The following TRPM3 variants were observed in gnomAD, a reference collection of about 807,000 sequenced individuals.
The protein encoded by TRPM3 is transient receptor potential cation channel subfamily M member 3.
In TRPM3, 77 loss-of-function variants were observed where a neutral mutation model predicts 181.2. That is an observed-to-expected ratio of 0.42 (90% CI 0.35 to 0.51). TRPM3 has a LOEUF of 0.51. Ranked by LOEUF, TRPM3 falls within the 20% of genes least tolerant of loss-of-function variation. The probability of loss-of-function intolerance (pLI) is 0.01; values close to 1 mark genes in which losing one functional copy is unlikely to be tolerated. For synonymous variants in TRPM3, 745 were observed against 796.4 expected (o/e 0.94, Z 1.09); for missense variants, 1,759 against 2,196.7 (o/e 0.80, Z 3.98).
chr9:71,008,043 TAAGA>T (rs1416193628), intron 1 of TRPM3, among the ~76,000 whole-genome samples: 6 of 151,480 alleles, frequency 4.0e-5, no homozygotes, highest in Non-Finnish European at 8.8e-5. Context: ...ACTAAGAAAA[TAAGA>T]AAGAAGACAC....
chr9:70,831,523 C>G (rs973253528), intron 5 of TRPM3, among the ~76,000 whole-genome samples: 1 of 151,758 alleles, frequency 6.6e-6, no homozygotes, highest in Non-Finnish European at 1.5e-5. Flanking sequence ...CCTACTGCCC[C>G]GCAGCATCCA....
chr9:70,828,864 G>A (rs1049680646), intron 5 of TRPM3, among the ~76,000 whole-genome samples: 1 of 152,098 alleles, frequency 6.6e-6, no homozygotes, highest in African/African-American at 2.4e-5. Flanking sequence ...AGTTTTCTGA[G>A]AGTCTACCAC....
chr9:71,221,033 G>C (rs1299476335), intron 1 of TRPM3, among the ~76,000 whole-genome samples: 1 of 152,206 alleles, frequency 6.6e-6, no homozygotes, highest in East Asian at 1.9e-4. Context: ...ATCACTGGTA[G>C]CTGTGTGAAT....
intron 1 of TRPM3, among the ~76,000 whole-genome samples, chr9:71,258,256 G>A (rs1293911552): frequency 6.6e-6 from 1 of 152,078 alleles, no homozygotes; most frequent in East Asian, 1.9e-4. Flanking sequence ...TTTTCAGATG[G>A]GGAAACTGAG....
intron 1 of TRPM3, among the ~76,000 whole-genome samples, chr9:71,169,100 T>C (rs74727805): frequency 6.6e-6 from 1 of 152,214 alleles, no homozygotes; most frequent in Admixed American, 6.5e-5. Context: ...AGTGGTTACC[T>C]GTATAAATAA....
chr9:71,268,465 T>C (rs2083543280), intron 1 of TRPM3, among the ~76,000 whole-genome samples: 1 of 152,114 alleles, frequency 6.6e-6, no homozygotes. Flanking sequence ...TAAACAACTA[T>C]AGTACTTAGA....
At chr9:70,787,875 T>G (rs1387885250) in intron 6 of TRPM3, among the ~76,000 whole-genome samples, 1 of 149,868 alleles carries the variant, frequency 6.7e-6, no homozygotes, top group Non-Finnish European at 1.5e-5. Context: ...ACATTATCTC[T>G]AACAACAATA....
chr9:71,313,364 C>A (rs2088179800), intron 1 of TRPM3, among the ~76,000 whole-genome samples: 3 of 152,024 alleles, frequency 2.0e-5, no homozygotes, highest in African/African-American at 7.2e-5. Flanking sequence ...GACTTCATAC[C>A]TGATTCCTAA....
At position 70,786,183 on chromosome 9, in the gene TRPM3, G is replaced by C. The variant is rs375416342; in HGVS notation, c.974-1904C>G. Among the ~76,000 whole-genome samples the C allele has an allele frequency of 2.2e-4, 34 of 151,948 alleles. 1 individual carries two copies. Among genetic ancestry groups the C allele is most frequent in the African/African-American group, 8.0e-4 (33 of 41,454 alleles). On this transcript the variant is annotated intron_variant, in intron 6 of 25. Coordinates refer to ENST00000677713, the MANE Select transcript of TRPM3 (RefSeq NM_001366145.2). ...AAAGGTACTTTAAAGATTAAGGGCT[G>C]GCCAGGCACAGTGGCTCATGCCTGT...
chr9:71,368,797 T>C (rs10735602), intron 1 of TRPM3, among the ~76,000 whole-genome samples: 150,810 of 152,330 alleles, frequency 0.99, 74,680 homozygotes, highest in South Asian at 1. Context: ...AACAGAACAA[T>C]TAGACAAACA....
At chr9:70,986,659 G>T (rs1364900564) in intron 1 of TRPM3, among the ~76,000 whole-genome samples, 1 of 152,080 alleles carries the variant, frequency 6.6e-6, no homozygotes, top group Non-Finnish European at 1.5e-5. Context: ...TTTGGAAACA[G>T]AGCTATTTTT....
At chr9:71,278,631 C>G (rs2084413176) in intron 1 of TRPM3, among the ~76,000 whole-genome samples, 1 of 152,114 alleles carries the variant, frequency 6.6e-6, no homozygotes, top group African/African-American at 2.4e-5. Flanking sequence ...ACATCAAAGG[C>G]TTACAAACTA....
chr9:71,136,931 C>A (rs1046697130), intron 1 of TRPM3, among the ~76,000 whole-genome samples: 1 of 152,084 alleles, frequency 6.6e-6, no homozygotes, highest in African/African-American at 2.4e-5. Context: ...ATCATTAAAG[C>A]GGATGGAGTG....
intron 1 of TRPM3, among the ~76,000 whole-genome samples, chr9:71,408,289 T>A (rs1377277361): frequency 1.3e-5 from 2 of 152,080 alleles, no homozygotes; most frequent in African/African-American, 4.8e-5. Context: ...AGAAGAACGT[T>A]AATAACGAAC....
chr9:71,044,562 C>T (rs2059205312), intron 1 of TRPM3, among the ~76,000 whole-genome samples: 1 of 152,236 alleles, frequency 6.6e-6, no homozygotes, highest in African/African-American at 2.4e-5. Context: ...ATTATGAAGA[C>T]ATTCAATTAT....
At chr9:71,316,924 T>C (rs139993990) in intron 1 of TRPM3, among the ~76,000 whole-genome samples, 74 of 152,352 alleles carry the variant, frequency 4.9e-4, no homozygotes, top group African/African-American at 1.8e-3. Flanking sequence ...ATGGCATTCA[T>C]AATTCTACAG....
chr9:71,384,210 A>C (rs1588768612), intron 1 of TRPM3, among the ~76,000 whole-genome samples: 1 of 152,310 alleles, frequency 6.6e-6, no homozygotes, highest in East Asian at 1.9e-4. Flanking sequence ...TGAAATGTAA[A>C]AGTAAATAAA....
At chr9:71,366,507 C>T (rs1411528527) in intron 1 of TRPM3, among the ~76,000 whole-genome samples, 2 of 152,090 alleles carry the variant, frequency 1.3e-5, no homozygotes, top group Non-Finnish European at 2.9e-5. Context: ...AAATATGAGT[C>T]TCCACACCTA....
At position 70,573,356 on chromosome 9, in the gene TRPM3, A is replaced by G. The variant is rs180768060; in HGVS notation, c.3223+17675T>C. On this transcript the variant is annotated intron_variant, in intron 22 of 25. Transcript: ENST00000677713. Reference sequence around the variant, plus strand: ...GGTGGTTTCATTCCTGGAAAAATTCACAGCTCATTAAAAACATGCAAAAAT... The same window carrying G: ...GGTGGTTTCATTCCTGGAAAAATTCGCAGCTCATTAAAAACATGCAAAAAT... Among the ~76,000 whole-genome samples the G allele has an allele frequency of 6.9e-3, 1,047 of 152,380 alleles. 8 individuals carry two copies. The highest frequency in any genetic ancestry group is 0.012 in the Non-Finnish European group (791 of 68,038).
Sources: gnomAD v4.1 joint callset for allele counts (sites outside exome capture counted in the v4.1 genomes callset) on GRCh38, gnomAD v4.1.1 for gene constraint, MANE v1.5 for transcripts, NCBI Gene and HGNC (gene_info 2026-07-23, HGNC 2026-07-21) for gene names.